Variants in ZNF569 observed in about 807,000 individuals in gnomAD.
The protein encoded by ZNF569 is zinc finger protein 569.
A neutral mutation model predicts 56.3 loss-of-function variants in ZNF569; 38 were observed. The ratio of observed to expected loss-of-function variants is 0.68; its 90% CI spans 0.52 to 0.88. The LOEUF (loss-of-function observed/expected upper bound fraction) is 0.88. Among genes scored for constraint, ZNF569 ranks in the 40% least tolerant of loss-of-function variants. The pLI is 0.00. For synonymous variants in ZNF569, 241 were observed against 262.9 expected (o/e 0.92, Z 0.81); for missense variants, 666 against 809.2 (o/e 0.82, Z 2.15).
At chr19:37,421,364 T>C (rs923111166) in intron 5 of ZNF569, among the ~76,000 whole-genome samples, 2 of 152,234 alleles carry the variant, frequency 1.3e-5, no homozygotes, top group African/African-American at 4.8e-5. Context: ...TAGAAGGCTG[T>C]TGCATCTACA....
intron 2 of ZNF569, among the ~76,000 whole-genome samples, chr19:37,456,765 G>A (rs939283572): frequency 2.0e-5 from 3 of 152,022 alleles, no homozygotes; most frequent in Non-Finnish European, 4.4e-5. Flanking sequence ...TCAGGAGTTC[G>A]AGATTGGCCT....
rs527563327 is a variant in ZNF569 at position 37,412,751 on chromosome 19, C to T, written c.1907G>A (p.Cys636Tyr). ...AGAGAAGGCTTTTCCACATTTACTA[C>T]AGTCGAAGGGTTTCTCACCTGTATG... ...RGHTGEKPFD[C>Y]SKCGKAFSQI... Residue 636 changes from cysteine to tyrosine, a missense_variant, in exon 6 of 6, where the codon TGT (cysteine) becomes TAT (tyrosine). By Grantham distance (194) the Cys-to-Tyr change is radical. Transcript: ENST00000316950. 1.2e-6 allele frequency: 2 copies of T among 1,614,062 alleles called. No homozygotes were observed. The highest frequency in any genetic ancestry group is 2.2e-5 in the East Asian group (1 of 44,874).
At chr19:37,420,384 C>A (rs2041015124) in intron 5 of ZNF569, among the ~76,000 whole-genome samples, 1 of 152,044 alleles carries the variant, frequency 6.6e-6, no homozygotes, top group Non-Finnish European at 1.5e-5. Flanking sequence ...AGTACTTTAC[C>A]CACAGTAGGA....
chr19:37,422,357 A>G (rs1436327145), intron 5 of ZNF569, among the ~76,000 whole-genome samples: 1 of 152,184 alleles, frequency 6.6e-6, no homozygotes, highest in East Asian at 1.9e-4. Flanking sequence ...ACAACATTTA[A>G]CATCAATTAA....
At chr19:37,438,174 G>A (rs1024036115) in intron 3 of ZNF569, among the ~76,000 whole-genome samples, 5 of 152,114 alleles carry the variant, frequency 3.3e-5, no homozygotes, top group Admixed American at 2.0e-4. Context: ...GCTGAGGTGG[G>A]AGAACTGCTT....
intron 3 of ZNF569, among the ~76,000 whole-genome samples, chr19:37,430,340 T>C (rs1373359702): frequency 6.6e-6 from 1 of 152,090 alleles, no homozygotes; most frequent in African/African-American, 2.4e-5. Flanking sequence ...TTCCCACATT[T>C]GATGAAAAAC....
In ZNF569 at chr19:37,412,926, AG is replaced by A; in HGVS notation, c.1731del (p.Tyr578MetfsTer20). The A allele has an allele frequency of 6.2e-7, 1 of 1,614,046 alleles. No homozygotes were observed. The highest frequency in any genetic ancestry group is 8.5e-7 in the Non-Finnish European group (1 of 1,179,952). On this transcript the variant is annotated frameshift_variant, in exon 6 of 6. Coordinates refer to ENST00000316950, the MANE Select transcript of ZNF569 (RefSeq NM_152484.3). LOFTEE classifies it high-confidence loss of function. ...LHMRSHTGEK[P>X]YVCNECGKAF... ...GCTTTCCCACATTCATTACATACATAGGGCTTCTCACCTGTGTGACTTCTCA... is the reference window on the plus strand; with the variant it reads ...GCTTTCCCACATTCATTACATACATAGGCTTCTCACCTGTGTGACTTCTCA...
Position 37,437,889 on chromosome 19 carries a change from C to T in ZNF569, c.15+7018G>A, listed in dbSNP as rs114211954. Among the ~76,000 whole-genome samples, 301 of 121,182 alleles carry T rather than the reference C, an allele frequency of 2.5e-3. 1 individual carries two copies. Among genetic ancestry groups the T allele is most frequent in the African/African-American group, 7.3e-3 (286 of 39,198 alleles). The allele number at this position is 121,182 out of a possible 152,430, so 79.5% of individuals were successfully genotyped here. A position where few individuals can be genotyped will look rare whatever the true frequency, so the allele number is the denominator to read the frequency against. On this transcript the variant is annotated intron_variant, in intron 3 of 5. Transcript: ENST00000316950. ...GAAGGATCAATATTGTTAAAATGTT[C>T]ATACTACCTAAAGCAATCTATAGAT...
intron 3 of ZNF569, among the ~76,000 whole-genome samples, chr19:37,430,984 A>G (rs1015654953): frequency 6.6e-6 from 1 of 152,216 alleles, no homozygotes; most frequent in African/African-American, 2.4e-5. Context: ...TGCCCACACC[A>G]GAAGTATTTG....
intron 5 of ZNF569, among the ~76,000 whole-genome samples, chr19:37,414,862 T>C (rs1040693564): frequency 6.6e-6 from 1 of 152,018 alleles, no homozygotes; most frequent in Non-Finnish European, 1.5e-5. Flanking sequence ...CACTACAAGA[T>C]GCAAAAAACT....
intron 5 of ZNF569, among the ~76,000 whole-genome samples, chr19:37,417,288 T>G (rs2040949719): frequency 6.6e-6 from 1 of 151,990 alleles, no homozygotes; most frequent in Admixed American, 6.6e-5. Context: ...AGAGACAGAG[T>G]CTCACTCTGT....
intron 3 of ZNF569, among the ~76,000 whole-genome samples, chr19:37,433,575 A>C (rs1482487180): frequency 6.6e-6 from 1 of 152,222 alleles, no homozygotes; most frequent in African/African-American, 2.4e-5. Context: ...CTAAAGGTCA[A>C]TGATAAAGAA....
chr19:37,417,394 G>T (rs891413628), intron 5 of ZNF569, among the ~76,000 whole-genome samples: 21 of 152,150 alleles, frequency 1.4e-4, no homozygotes, highest in Admixed American at 6.5e-5. Context: ...CCAAGTAGCT[G>T]GGACTAGAGG....
chr19:37,448,556 CTTTTTTTTTT>C (rs545559315), intron 2 of ZNF569, among the ~76,000 whole-genome samples: 68 of 72,554 alleles, frequency 9.4e-4, no homozygotes, highest in African/African-American at 3.7e-3. Context: ...ATGCTGTAAT[CTTTTTTTTTT>C]TTTTTTTTTT....
intron 5 of ZNF569, among the ~76,000 whole-genome samples, chr19:37,420,445 A>T (rs1208377655): frequency 6.6e-6 from 1 of 152,152 alleles, no homozygotes; most frequent in African/African-American, 2.4e-5. Flanking sequence ...CTGCTTTATC[A>T]ATTATATTTA....
intron 5 of ZNF569, among the ~76,000 whole-genome samples, chr19:37,424,110 C>A (rs1355583526): frequency 6.6e-6 from 1 of 152,024 alleles, no homozygotes; most frequent in African/African-American, 2.4e-5. Flanking sequence ...TGACTTAAAA[C>A]TTTTATTGAA....
chr19:37,436,697 T>C (rs2041314938), intron 3 of ZNF569, among the ~76,000 whole-genome samples: 1 of 152,022 alleles, frequency 6.6e-6, no homozygotes, highest in South Asian at 2.1e-4. Flanking sequence ...TGAGCAACTA[T>C]ATGCCAATAA....
chr19:37,436,894 A>G (rs2041317749), intron 3 of ZNF569, among the ~76,000 whole-genome samples: 1 of 152,070 alleles, frequency 6.6e-6, no homozygotes, highest in Admixed American at 6.6e-5. Flanking sequence ...CTGAACAATT[A>G]AAGAAGAACT....
intron 5 of ZNF569, among the ~76,000 whole-genome samples, chr19:37,420,025 T>G (rs1302117147): frequency 7.3e-6 from 1 of 137,928 alleles, no homozygotes; most frequent in Non-Finnish European, 1.5e-5. Flanking sequence ...CAGGCAAGAG[T>G]GCAGAGGCTA....
Sources: allele counts gnomAD v4.1 joint callset (sites outside exome capture counted in the v4.1 genomes callset), GRCh38; gene constraint gnomAD v4.1.1; transcripts MANE v1.5; gene names NCBI Gene and HGNC (gene_info 2026-07-23, HGNC 2026-07-21).